The following DENND1B variants were observed in gnomAD, a reference collection of about 807,000 sequenced individuals.
DENND1B encodes the protein DENN domain-containing protein 1B.
A neutral mutation model predicts 90.1 loss-of-function variants in DENND1B; 59 were observed. The observed-to-expected ratio is 0.65, with a 90% CI of 0.53 to 0.81. The LOEUF is 0.81. Among genes scored for constraint, DENND1B ranks in the 40% least tolerant of loss-of-function variants. The pLI is 0.00. For synonymous variants in DENND1B, 337 were observed against 324.6 expected (o/e 1.04, Z -0.41); for missense variants, 862 against 912.6 (o/e 0.94, Z 0.71).
chr1:197,642,563 C>T, intron 10 of DENND1B, 148 bp downstream of exon 10: 1 of 493,072 alleles, frequency 2.0e-6, no homozygotes. Context: ...TTTTGTACTT[C>T]AAGAGCCAGA....
intron 10 of DENND1B, among the ~76,000 whole-genome samples, chr1:197,636,002 C>G (rs1046388665): frequency 6.6e-6 from 1 of 151,520 alleles, no homozygotes; most frequent in Non-Finnish European, 1.5e-5. Flanking sequence ...AAAAAAAAAC[C>G]CGCCCTGATA....
chr1:197,779,925 T>G (rs1018045572), upstream of DENND1B, among the ~76,000 whole-genome samples: 1 of 152,222 alleles, frequency 6.6e-6, no homozygotes, highest in Non-Finnish European at 1.5e-5. Flanking sequence ...TTATGTTATG[T>G]GATCCTTAGA....
At chr1:197,766,995 T>C (rs911419248) in intron 2 of DENND1B, among the ~76,000 whole-genome samples, 9 of 152,012 alleles carry the variant, frequency 5.9e-5, no homozygotes, top group African/African-American at 2.2e-4. Context: ...GGATTCACTA[T>C]GTTGGCCAGG....
chr1:197,735,530 G>A (rs1015562189), intron 2 of DENND1B: 1 of 1,611,556 alleles, frequency 6.2e-7, no homozygotes, highest in African/African-American at 1.3e-5. Flanking sequence ...TGTGAACTAT[G>A]AAACATTCCA....
rs1320595096 is a variant in DENND1B at position 197,607,173 on chromosome 1, C to A, written c.821G>T (p.Arg274Ile). The part of the protein sequence containing the change: ...LIGIHSSLIE[R>I]VKNKSLEDVV... ...ATCTTCCAATGATTTGTTTTTCACTCTCTATAAAAAAAACACAATTATGAA... is the reference window on the plus strand; with the variant it reads ...ATCTTCCAATGATTTGTTTTTCACTATCTATAAAAAAAACACAATTATGAA... Residue 274 changes from arginine (R) to isoleucine (I), a missense_variant and splice_region_variant, in exon 13 of 23, where the codon AGA (arginine) becomes ATA (isoleucine). Coordinates refer to ENST00000620048, the MANE Select transcript of DENND1B (RefSeq NM_001195215.2). 1 of 1,430,980 alleles carries A rather than the reference C, an allele frequency of 7.0e-7. No individual in the cohort carries two copies. 88.6% of individuals were successfully genotyped at this position (1,430,980 alleles called of 1,614,324 possible).
At chr1:197,707,999 C>T (rs1301841540) in intron 3 of DENND1B, among the ~76,000 whole-genome samples, 1 of 151,818 alleles carries the variant, frequency 6.6e-6, no homozygotes, top group East Asian at 1.9e-4. Context: ...CACTCCCACC[C>T]GAATATTGCG....
intron 2 of DENND1B, among the ~76,000 whole-genome samples, chr1:197,771,088 T>C (rs1240714416): frequency 1.3e-5 from 2 of 151,560 alleles, no homozygotes; most frequent in Non-Finnish European, 2.9e-5. Context: ...ATTTTGGTAT[T>C]TTTAGTAGAG....
At chr1:197,768,236 TTCC>T (rs1031836912) in intron 2 of DENND1B, among the ~76,000 whole-genome samples, 2 of 144,862 alleles carry the variant, frequency 1.4e-5, no homozygotes, top group Admixed American at 6.8e-5. Flanking sequence ...CCTCCTTCTC[TTCC>T]TCCTCCTCCT....
At chr1:197,755,950 G>A (rs185423259) in intron 2 of DENND1B, among the ~76,000 whole-genome samples, 69 of 152,336 alleles carry the variant, frequency 4.5e-4, no homozygotes, top group South Asian at 1.7e-3. Flanking sequence ...AACAAGATGA[G>A]ATTTGGGTGG....
chr1:197,689,399 A>G (rs1403369236), intron 3 of DENND1B: 1 of 152,114 alleles, frequency 6.6e-6, no homozygotes, highest in East Asian at 1.9e-4. Context: ...AACATGTGGG[A>G]ATTATGGGAG....
chr1:197,617,361 T>C (rs957852778), intron 11 of DENND1B, among the ~76,000 whole-genome samples: 2 of 151,164 alleles, frequency 1.3e-5, no homozygotes, highest in Admixed American at 1.3e-4. Flanking sequence ...ATAACTTCTA[T>C]ACAGTTTTCC....
At chr1:197,524,967 C>T (rs1304996292) in intron 20 of DENND1B, among the ~76,000 whole-genome samples, 1 of 152,046 alleles carries the variant, frequency 6.6e-6, no homozygotes, top group African/African-American at 2.4e-5. Context: ...CTAAAAGATC[C>T]CAGAAACACA....
rs1667690038 is a variant in DENND1B, at chr1:197,505,526, A to G, written c.*4934T>C. The G allele has an allele frequency of 6.6e-6, 1 of 151,642 alleles. No individual in the cohort carries two copies. Among genetic ancestry groups the G allele is most frequent in the African/African-American group, 2.4e-5 (1 of 41,364 alleles). 9.4% of individuals were successfully genotyped at this position (151,642 alleles called of 1,614,324 possible). ...AAATGTGGCTTGAAAAAAACATAGC[A>G]TTCTGGATATAAAGCATTCTGTTAA... On this transcript the variant is annotated 3_prime_UTR_variant, in exon 23 of 23. Coordinates refer to ENST00000620048, the MANE Select transcript of DENND1B (RefSeq NM_001195215.2).
intron 11 of DENND1B, among the ~76,000 whole-genome samples, chr1:197,614,763 A>T (rs541642061): frequency 2.0e-5 from 3 of 151,116 alleles, no homozygotes; most frequent in African/African-American, 7.3e-5. Flanking sequence ...GAAAAAAAAT[A>T]CCTATTCTCT....
At chr1:197,693,478 TATC>T (rs1658116837) in intron 3 of DENND1B, among the ~76,000 whole-genome samples, 1 of 151,670 alleles carries the variant, frequency 6.6e-6, no homozygotes, top group Non-Finnish European at 1.5e-5. Flanking sequence ...TTTTATGAAA[TATC>T]ATACCTAACA....
chr1:197,753,752 A>G (rs944163765), intron 2 of DENND1B, among the ~76,000 whole-genome samples: 1 of 152,032 alleles, frequency 6.6e-6, no homozygotes, highest in Non-Finnish European at 1.5e-5. Flanking sequence ...TATAATCCCA[A>G]CACTTTGGAA....
intron 2 of DENND1B, among the ~76,000 whole-genome samples, chr1:197,764,994 G>A (rs1324700734): frequency 6.6e-6 from 1 of 152,118 alleles, no homozygotes; most frequent in East Asian, 1.9e-4. Context: ...AATTGTAAAA[G>A]GCATCAAAGC....
intron 3 of DENND1B, among the ~76,000 whole-genome samples, chr1:197,678,968 C>T (rs1656371906): frequency 6.6e-6 from 1 of 151,900 alleles, no homozygotes. Context: ...GAAATAAATC[C>T]CTATTTTACC....
intron 15 of DENND1B, among the ~76,000 whole-genome samples, chr1:197,578,307 C>T (rs1673880093): frequency 6.6e-6 from 1 of 152,022 alleles, no homozygotes; most frequent in Non-Finnish European, 1.5e-5. Flanking sequence ...TGCACTGGCA[C>T]AATCTCAGCT....
Sources: gnomAD v4.1 joint callset for allele counts (sites outside exome capture counted in the v4.1 genomes callset) on GRCh38, gnomAD v4.1.1 for gene constraint, MANE v1.5 for transcripts, NCBI Gene and HGNC (gene_info 2026-07-23, HGNC 2026-07-21) for gene names.